Variants in SUPT6H observed in about 807,000 individuals in gnomAD.
SUPT6H encodes the protein transcription elongation factor SPT6.
A neutral mutation model predicts 222.3 loss-of-function variants in SUPT6H; 11 were observed. That is an observed-to-expected ratio of 0.05 (90% CI 0.03 to 0.08). SUPT6H has a LOEUF of 0.08. SUPT6H is among the 10% of genes least tolerant of loss of function. The pLI is 1.00. For missense variants in SUPT6H, 1,422 were observed against 2,216.0 expected, an observed-to-expected ratio of 0.64 and a Z score of 7.19; for synonymous variants, 762 against 801.2, an observed-to-expected ratio of 0.95 and a Z score of 0.83.
chr17:28,664,844 T>G (rs2029922372), intron 1 of SUPT6H, among the ~76,000 whole-genome samples: 1 of 152,236 alleles, frequency 6.6e-6, no homozygotes, highest in Non-Finnish European at 1.5e-5. Flanking sequence ...GAGAATCATC[T>G]TTGTTCTTCT....
At chr17:28,663,787 T>A (rs1357722403) in intron 1 of SUPT6H, among the ~76,000 whole-genome samples, 1 of 147,144 alleles carries the variant, frequency 6.8e-6, no homozygotes, top group Non-Finnish European at 1.5e-5. Flanking sequence ...TTTCATTCAC[T>A]CTTCATTTTA....
At position 28,682,791 on chromosome 17, in the gene SUPT6H, C is replaced by T; in HGVS notation, c.1662C>T (p.Tyr554=). The T allele has an allele frequency of 6.2e-7, 1 of 1,614,186 alleles. No homozygotes were observed. Among genetic ancestry groups the T allele is most frequent in the East Asian group, 2.2e-5 (1 of 44,878 alleles). ...TTGGGGAGAACCTGCGGGATAGCTA[C>T]CAGCGGCACGAGACAGAGCAGTTTC... ...EQFGENLRDS[Y]QRHETEQFPA... Residue 554 remains tyrosine, a synonymous_variant, in exon 14 of 37, where the codon TAC becomes TAT. Coordinates refer to ENST00000314616, the MANE Select transcript of SUPT6H (RefSeq NM_003170.5).
intron 1 of SUPT6H, among the ~76,000 whole-genome samples, chr17:28,671,565 G>A (rs2030419633): frequency 6.6e-6 from 1 of 152,166 alleles, no homozygotes; most frequent in Non-Finnish European, 1.5e-5. Context: ...TTGTTGTGAT[G>A]ATGTGTGCTG....
intron 28 of SUPT6H, among the ~76,000 whole-genome samples, chr17:28,694,381 C>T (rs756666040): frequency 5.9e-5 from 9 of 152,158 alleles, no homozygotes; most frequent in Admixed American, 6.5e-5. Flanking sequence ...GCACTGACAT[C>T]GACATATGTT....
At chr17:28,680,700 G>A (rs975669598) in intron 11 of SUPT6H, among the ~76,000 whole-genome samples, 1 of 152,158 alleles carries the variant, frequency 6.6e-6, no homozygotes, top group African/African-American at 2.4e-5. Flanking sequence ...CGCCCAGGTT[G>A]GAGCGCAGTG....
chr17:28,683,670 C>A lies in SUPT6H; in HGVS notation c.2083C>A (p.Arg695=). 1.9e-6 allele frequency: 3 copies of A among 1,614,088 alleles called. No homozygotes were observed. Among genetic ancestry groups the A allele is most frequent in the Non-Finnish European group, 2.5e-6 (3 of 1,180,032 alleles). The change falls in exon 17 of 37, where the codon CGA becomes AGA. Residue 695 remains arginine (R), a synonymous_variant. Coordinates refer to ENST00000314616, the MANE Select transcript of SUPT6H (RefSeq NM_003170.5). The part of the protein sequence containing the change: ...YFEEIKQFYY[R]DEFSHQVQEW... Reference sequence around the variant, plus strand: ...TGAGGAGATAAAACAGTTTTACTACCGAGATGAGTTCAGCCACCAGGTGCA... The same window carrying A: ...TGAGGAGATAAAACAGTTTTACTACAGAGATGAGTTCAGCCACCAGGTGCA...
At chr17:28,686,538 G>A in intron 20 of SUPT6H, 116 bp from the exon 21 acceptor site, 1 of 1,533,402 alleles carries the variant, frequency 6.5e-7, no homozygotes. Flanking sequence ...CCCTGGGGAT[G>A]TTTGACCTCA....
chr17:28,700,367 C>T lies in SUPT6H; in HGVS notation c.4661C>T (p.Ala1554Val). 1 of 1,614,222 alleles carries T rather than the reference C, an allele frequency of 6.2e-7. No individual in the cohort carries two copies. The highest frequency in any genetic ancestry group is 8.5e-7 in the Non-Finnish European group (1 of 1,180,028). The change falls in exon 35 of 37, where the codon GCC becomes GTC. Residue 1554 changes from alanine to valine, a missense_variant. By Grantham distance (64) the Ala-to-Val change is moderately conservative. Transcript: ENST00000314616. ...NLADLTRAVN[A>V]LPQNMTSQMF... ...ACAGATCTGACACGGGCTGTGAATG[C>T]CCTGCCTCAGAACATGACTTCACAG...
chr17:28,695,814 C>T (rs1253943768), intron 29 of SUPT6H, among the ~76,000 whole-genome samples: 1 of 152,170 alleles, frequency 6.6e-6, no homozygotes, highest in Non-Finnish European at 1.5e-5. Flanking sequence ...ACATGTCCTT[C>T]ATATCAGCTA....
chr17:28,673,712 A>G (rs1392779044), intron 2 of SUPT6H: 2 of 553,084 alleles, frequency 3.6e-6, no homozygotes, highest in Non-Finnish European at 6.4e-6. Context: ...GAAATATAAA[A>G]CAATAAATAT....
At position 28,701,703 on chromosome 17, in the gene SUPT6H, C is replaced by T. The variant is rs968503095; in HGVS notation, c.*78C>T. 4 of 1,435,546 alleles carry T rather than the reference C, an allele frequency of 2.8e-6. No individual in the cohort carries two copies. The highest frequency in any genetic ancestry group is 3.8e-6 in the Non-Finnish European group (4 of 1,059,720). The allele number at this position is 1,435,546 out of a possible 1,614,324, so 88.9% of individuals were successfully genotyped here. On this transcript the variant is annotated 3_prime_UTR_variant, in exon 37 of 37. Transcript: ENST00000314616. The stretch of plus-strand genomic sequence containing the variant: ...GCCCACTGCCTCCCTCCCTGCCCCT[C>T]CTTTTATGTCCATAAAGTGGCGTGA...
Position 28,697,944 on chromosome 17 carries a change from G to A in SUPT6H, c.4362G>A (p.Lys1454=). Residue 1454 remains lysine (K), a synonymous_variant, in exon 32 of 37, where the codon AAG becomes AAA. Coordinates refer to ENST00000314616, the MANE Select transcript of SUPT6H (RefSeq NM_003170.5). ...TGCTCATCAAAACTAAGAAGGAGAA[G>A]CCCACCTTCATCCCTTATTTCATCT... is the stretch of plus-strand genomic sequence containing the variant. ...EELLIKTKKE[K]PTFIPYFICA... 6.2e-7 allele frequency: 1 copy of A among 1,614,050 alleles called. No homozygotes were observed. Among genetic ancestry groups the A allele is most frequent in the East Asian group, 2.2e-5 (1 of 44,880 alleles).
intron 8 of SUPT6H, 80 bp from the exon 9 acceptor site, chr17:28,677,996 C>T: frequency 1.4e-6 from 2 of 1,453,970 alleles, no homozygotes; most frequent in South Asian, 1.2e-5. Context: ...GAAAGGTTAT[C>T]CTTTGTTATT....
At position 28,684,580 on chromosome 17, in the gene SUPT6H, C is replaced by T. The variant is rs758366778; in HGVS notation, c.2230-6C>T. On this transcript the variant is annotated splice_polypyrimidine_tract_variant and splice_region_variant and intron_variant, in intron 17 of 36. Coordinates refer to ENST00000314616, the MANE Select transcript of SUPT6H (RefSeq NM_003170.5). ...TATGTAATACCTGTTGTGTCTCTTC[C>T]CTCAGGCCTGTAGTCGAAAGCTCTA... 4 of 1,613,962 alleles carry T rather than the reference C, an allele frequency of 2.5e-6. No individual in the cohort carries two copies. Among genetic ancestry groups the T allele is most frequent in the South Asian group, 1.1e-5 (1 of 91,080 alleles).
At chr17:28,675,530 G>A (rs745473629) in intron 6 of SUPT6H, 45 bp downstream of exon 6, 3 of 1,601,210 alleles carry the variant, frequency 1.9e-6, no homozygotes, top group South Asian at 1.1e-5. Flanking sequence ...GATTGAGTGG[G>A]CCCAGTCAGG....
chr17:28,693,957 G>C, intron 28 of SUPT6H, 121 bp downstream of exon 28: 1 of 1,316,934 alleles, frequency 7.6e-7, no homozygotes, highest in East Asian at 2.4e-5. Context: ...CTGGTGGGAA[G>C]TGTTTCAGGG....
intron 1 of SUPT6H, among the ~76,000 whole-genome samples, chr17:28,662,666 G>A (rs2072079089): frequency 6.6e-6 from 1 of 152,158 alleles, no homozygotes; most frequent in Admixed American, 6.6e-5. Context: ...AGGGACCTGG[G>A]GCTTCTGAGC....
At position 28,698,038 on chromosome 17, in the gene SUPT6H, C is replaced by A; in HGVS notation, c.4448+8C>A. The A allele has an allele frequency of 6.2e-7, 1 of 1,605,878 alleles. No individual in the cohort carries two copies. Among genetic ancestry groups the A allele is most frequent in the Non-Finnish European group, 8.5e-7 (1 of 1,179,642 alleles). ...GCCCCGGGGTAAACCCAGGTGAGCACTAGTGCTGAGAAGGTGCTGCCACTG... is the reference window on the plus strand; with the variant it reads ...GCCCCGGGGTAAACCCAGGTGAGCAATAGTGCTGAGAAGGTGCTGCCACTG... On this transcript the variant is annotated splice_region_variant and intron_variant, in intron 32 of 36. Coordinates refer to ENST00000314616, the MANE Select transcript of SUPT6H (RefSeq NM_003170.5).
Position 28,697,033 on chromosome 17 carries a change from G to C in SUPT6H, c.4160G>C (p.Gly1387Ala). The change falls in exon 30 of 37, where the codon GGC becomes GCC. Residue 1387 changes from glycine to alanine, a missense_variant. Coordinates refer to ENST00000314616, the MANE Select transcript of SUPT6H (RefSeq NM_003170.5). ...CAGCATGTGGATGTGCGGGAGGAGG[G>C]CAAGGAAAATGCCTTCAGCCTGGGA... ...IYQHVDVREE[G>A]KENAFSLGAT... 1 of 1,614,042 alleles carries C rather than the reference G, an allele frequency of 6.2e-7. No homozygotes were observed. Among genetic ancestry groups the C allele is most frequent in the Non-Finnish European group, 8.5e-7 (1 of 1,180,022 alleles).
Sources: gnomAD v4.1 joint callset for allele counts (sites outside exome capture counted in the v4.1 genomes callset) on GRCh38, gnomAD v4.1.1 for gene constraint, MANE v1.5 for transcripts, NCBI Gene and HGNC (gene_info 2026-07-23, HGNC 2026-07-21) for gene names.